The following FAT4 variants were observed in gnomAD, a reference collection of about 807,000 sequenced individuals.
FAT4 encodes protocadherin Fat 4.
Under a neutral mutation model 303.9 loss-of-function variants are expected in FAT4, and 84 were observed. The observed-to-expected ratio is 0.28, with a 90% CI of 0.23 to 0.33. The LOEUF (loss-of-function observed/expected upper bound fraction) is 0.33, where lower values mean the gene tolerates loss of function less well. FAT4 is among the 10% of genes least tolerant of loss of function. The probability of loss-of-function intolerance (pLI) is 1.00; values close to 1 mark genes in which losing one functional copy is unlikely to be tolerated. For synonymous variants in FAT4, 2,307 were observed against 2,298.8 expected, an observed-to-expected ratio of 1.00 and a Z score of -0.10; for missense variants, 6,005 against 6,146.8, an observed-to-expected ratio of 0.98 and a Z score of 0.77.
intron 2 of FAT4, among the ~76,000 whole-genome samples, chr4:125,392,571 A>G (rs899972313): frequency 7.2e-5 from 11 of 152,168 alleles, no homozygotes; most frequent in African/African-American, 2.7e-4. Context: ...ATATTTACAG[A>G]GAATTTAACT....
rs1726046918 is a variant in FAT4 at position 125,451,048 on chromosome 4, G to C, written c.10038G>C (p.Lys3346Asn). 1.9e-6 allele frequency: 3 copies of C among 1,614,020 alleles called. No homozygotes were observed. Among genetic ancestry groups the C allele is most frequent in the East Asian group, 4.5e-5 (2 of 44,852 alleles). ...TGATTTTTGGTAATAGTCGAAAGAA[G>C]GGTTTCCAGATCAATAAGAAGACTG... is the stretch of plus-strand genomic sequence containing the variant. The part of the protein sequence containing the change: ...HYLIFGNSRK[K>N]GFQINKKTGQ... The change falls in exon 10 of 18, where the codon AAG (lysine) becomes AAC (asparagine). Residue 3346 changes from lysine (K) to asparagine (N), a missense_variant. Coordinates refer to ENST00000394329, the MANE Select transcript of FAT4 (RefSeq NM_001291303.3).
chr4:125,321,433 A>G lies in FAT4; in HGVS notation c.5022A>G (p.Glu1674=). The stretch of plus-strand genomic sequence containing the variant: ...ATATTGTTTCAGTTCGTTGTGAAGA[A>G]AAAACTGTTGGACGCCTCTTTACTA... ...EYYIVSVRCE[E]KTVGRLFTIG... is the part of the protein sequence containing the mutation. Residue 1674 remains glutamate, a synonymous_variant, in exon 2 of 18, where the codon GAA becomes GAG. Transcript: ENST00000394329. 1 of 1,614,160 alleles carries G rather than the reference A, an allele frequency of 6.2e-7. No homozygotes were observed. Among genetic ancestry groups the G allele is most frequent in the Non-Finnish European group, 8.5e-7 (1 of 1,180,010 alleles).
At chr4:125,385,012 ATATATATATATATT>A (rs1310349036) in intron 2 of FAT4, among the ~76,000 whole-genome samples, 22 of 60,926 alleles carry the variant, frequency 3.6e-4, no homozygotes, top group Non-Finnish European at 4.7e-4. Context: ...ATATATATAT[ATATATATATATATT>A]TTTTTTTTTT....
chr4:125,409,578 G>T (rs190074470), intron 5 of FAT4, among the ~76,000 whole-genome samples: 3 of 152,154 alleles, frequency 2.0e-5, no homozygotes, highest in Non-Finnish European at 4.4e-5. Flanking sequence ...TTTTAACTAG[G>T]TTTCATTTCA....
At chr4:125,412,711 A>T (rs1407930758) in intron 5 of FAT4, among the ~76,000 whole-genome samples, 2 of 151,864 alleles carry the variant, frequency 1.3e-5, no homozygotes. Context: ...ACTTGATTTA[A>T]TTGCTCCCAT....
At chr4:125,398,540 C>G (rs1169640885) in intron 2 of FAT4, among the ~76,000 whole-genome samples, 1 of 152,110 alleles carries the variant, frequency 6.6e-6, no homozygotes, top group Non-Finnish European at 1.5e-5. Context: ...AGTATAAACT[C>G]CATGGCCACT....
chr4:125,378,557 A>G (rs1733421283), intron 2 of FAT4, among the ~76,000 whole-genome samples: 1 of 152,066 alleles, frequency 6.6e-6, no homozygotes. Flanking sequence ...AATTATAGAA[A>G]ATCTCAAATT....
chr4:125,486,601 A>T (rs950239782), intron 16 of FAT4, among the ~76,000 whole-genome samples: 6 of 152,184 alleles, frequency 3.9e-5, no homozygotes, highest in African/African-American at 1.4e-4. Flanking sequence ...CTCATTTTCT[A>T]AAATGGTCTA....
chr4:125,316,993 C>A lies in FAT4; in HGVS notation c.582C>A (p.Ser194Arg), dbSNP rs1275950028. 1.9e-6 allele frequency: 3 copies of A among 1,613,988 alleles called. No homozygotes were observed. In the South Asian group the frequency reaches 3.3e-5, roughly 18 times the overall value. Reference sequence around the variant, plus strand: ...GTCTGGACATCACCCTGAACCCGAGCGGCGAGGGAGCGTTCCTGCATCTGG... The same window carrying A: ...GTCTGGACATCACCCTGAACCCGAGAGGCGAGGGAGCGTTCCTGCATCTGG... Reference protein sequence around the residue: ...RFRLDITLNPSGEGAFLHLVS... With the variant: ...RFRLDITLNPRGEGAFLHLVS... The change falls in exon 2 of 18, where the codon AGC (serine) becomes AGA (arginine). Residue 194 changes from serine to arginine, a missense_variant. Physicochemically the swap from Ser to Arg is moderately radical, Grantham distance 110 (BLOSUM62 -1). Coordinates refer to ENST00000394329, the MANE Select transcript of FAT4 (RefSeq NM_001291303.3). This position sits in a 1 kb window ranked among gnomAD's most constrained non-coding sequence, Gnocchi z 5.7.
intron 2 of FAT4, among the ~76,000 whole-genome samples, chr4:125,334,333 C>G (rs1009899744): frequency 7.9e-5 from 12 of 152,086 alleles, no homozygotes; most frequent in African/African-American, 2.9e-4. Context: ...GCCCCCTCAC[C>G]TCTTCCCATG....
chr4:125,443,133 C>A (rs78036237), intron 8 of FAT4, among the ~76,000 whole-genome samples: 1 of 152,166 alleles, frequency 6.6e-6, no homozygotes, highest in Non-Finnish European at 1.5e-5. Context: ...ATGCCTATAA[C>A]CCTAGTAGAT....
intron 8 of FAT4, among the ~76,000 whole-genome samples, chr4:125,435,049 G>A (rs1158017634): frequency 6.6e-6 from 1 of 152,100 alleles, no homozygotes; most frequent in Non-Finnish European, 1.5e-5. Context: ...TGCATCACTC[G>A]TTGATTGGAG....
chr4:125,350,397 T>C (rs751439288), intron 2 of FAT4, among the ~76,000 whole-genome samples: 4 of 151,958 alleles, frequency 2.6e-5, no homozygotes, highest in African/African-American at 4.8e-5. Flanking sequence ...CAAAACTTCA[T>C]CCTACTTCAC....
intron 5 of FAT4, among the ~76,000 whole-genome samples, chr4:125,414,430 G>A (rs187198838): frequency 6.6e-4 from 100 of 152,036 alleles, no homozygotes; most frequent in Non-Finnish European, 7.4e-4. Context: ...ACACTTAATA[G>A]GAATTAATAA....
rs143569719 is a variant in FAT4 at position 125,405,095 on chromosome 4, C to T, written c.5308-1785C>T. ...TCTGAAATGTTCCAATAAGCATTTC[C>T]TTTGAACATCATATTGGCACTTGGA... On this transcript the variant is annotated intron_variant, in intron 3 of 17. Coordinates refer to ENST00000394329, the MANE Select transcript of FAT4 (RefSeq NM_001291303.3). 2.6e-3 allele frequency among the ~76,000 whole-genome samples: 400 copies of T among 151,534 alleles called. 2 individuals are homozygous for T. Among genetic ancestry groups the T allele is most frequent in the African/African-American group, 9.1e-3 (377 of 41,298 alleles).
chr4:125,409,848 C>T (rs574656337), intron 5 of FAT4, among the ~76,000 whole-genome samples: 95 of 152,056 alleles, frequency 6.2e-4, no homozygotes, highest in South Asian at 1.9e-3. Context: ...CGTGTTTTTC[C>T]CTTATGTTGG....
intron 2 of FAT4, among the ~76,000 whole-genome samples, chr4:125,367,080 C>A (rs991802031): frequency 6.6e-6 from 1 of 151,890 alleles, no homozygotes; most frequent in Non-Finnish European, 1.5e-5. Context: ...GTTTCTTTTG[C>A]CATACAGAAG....
Position 125,451,078 on chromosome 4 carries a change from G to A in FAT4, c.10068G>A (p.Gln3356=). The change falls in exon 10 of 18, where the codon CAG becomes CAA. Residue 3356 remains glutamine, a synonymous_variant. Transcript: ENST00000394329. ...KGFQINKKTG[Q]IYVSGILDRE... ...TCCAGATCAATAAGAAGACTGGACA[G>A]ATTTATGTTTCTGGAATTCTTGATC... 6.2e-7 allele frequency: 1 copy of A among 1,614,126 alleles called. No homozygotes were observed. The highest frequency in any genetic ancestry group is 8.5e-7 in the Non-Finnish European group (1 of 1,180,014).
chr4:125,389,471 A>C (rs1733895628), intron 2 of FAT4, among the ~76,000 whole-genome samples: 1 of 152,148 alleles, frequency 6.6e-6, no homozygotes, highest in Admixed American at 6.6e-5. Context: ...AGTTCTAAAG[A>C]AAAAAATGCA....
Sources: allele counts gnomAD v4.1 joint callset (sites outside exome capture counted in the v4.1 genomes callset), GRCh38; gene constraint gnomAD v4.1.1; non-coding constraint Gnocchi (gnomAD v3.1); transcripts MANE v1.5; gene names NCBI Gene and HGNC (gene_info 2026-07-23, HGNC 2026-07-21).